ACBD6: variants seen among roughly 807,000 people sequenced by gnomAD.
The protein encoded by ACBD6 is acyl-CoA-binding domain-containing protein 6.
A neutral mutation model predicts 37.2 loss-of-function variants in ACBD6; 28 were observed. The observed-to-expected ratio is 0.75, with a 90% CI of 0.56 to 1.03. ACBD6 has a LOEUF of 1.03. Ranked by LOEUF, ACBD6 falls within the 50% of genes least tolerant of loss-of-function variation. The pLI, the probability that ACBD6 is intolerant of heterozygous loss-of-function variation, is 0.00. For synonymous variants in ACBD6, 113 were observed against 126.8 expected, an observed-to-expected ratio of 0.89 and a Z score of 0.73; for missense variants, 340 against 337.4, an observed-to-expected ratio of 1.01 and a Z score of -0.06.
intron 7 of ACBD6, among the ~76,000 whole-genome samples, chr1:180,301,814 G>A (rs940820068): frequency 5.9e-5 from 9 of 152,082 alleles, no homozygotes; most frequent in Non-Finnish European, 8.8e-5. Flanking sequence ...AGCATCACCT[G>A]GCACTTTAAG....
intron 6 of ACBD6, among the ~76,000 whole-genome samples, chr1:180,338,549 A>C (rs1651839796): frequency 6.6e-6 from 1 of 152,242 alleles, no homozygotes; most frequent in South Asian, 2.1e-4. Flanking sequence ...AAAGACTTAA[A>C]TGTTAGACCT....
At chr1:180,427,980 A>G (rs1008611667) in intron 4 of ACBD6, among the ~76,000 whole-genome samples, 2 of 151,828 alleles carry the variant, frequency 1.3e-5, no homozygotes, top group African/African-American at 4.8e-5. Flanking sequence ...CTAATTTGTT[A>G]TAATGGAATT....
intron 1 of ACBD6, among the ~76,000 whole-genome samples, chr1:180,500,215 A>T (rs1253832461): frequency 6.6e-6 from 1 of 152,038 alleles, no homozygotes; most frequent in Non-Finnish European, 1.5e-5. Context: ...ATACGTAACT[A>T]TGTCAAGAGG....
intron 7 of ACBD6, among the ~76,000 whole-genome samples, chr1:180,298,761 T>C (rs2149282386): frequency 6.6e-6 from 1 of 152,328 alleles, no homozygotes; most frequent in East Asian, 1.9e-4. Context: ...ATGGCATTCA[T>C]ATGAAAGGGG....
intron 3 of ACBD6, among the ~76,000 whole-genome samples, chr1:180,459,219 T>C (rs561272108): frequency 6.6e-6 from 1 of 152,218 alleles, no homozygotes; most frequent in African/African-American, 2.4e-5. Flanking sequence ...TTGGCTCCAG[T>C]TCAACTTAAT....
At chr1:180,315,849 G>C (rs1259673739) in intron 6 of ACBD6, among the ~76,000 whole-genome samples, 1 of 152,110 alleles carries the variant, frequency 6.6e-6, no homozygotes. Flanking sequence ...TATTACATGG[G>C]AGAGAGGAGA....
intron 3 of ACBD6, among the ~76,000 whole-genome samples, chr1:180,488,114 T>G (rs1651347573): frequency 6.6e-6 from 1 of 152,152 alleles, no homozygotes; most frequent in South Asian, 2.1e-4. Context: ...TGTGTGTGTG[T>G]GTGTGTTACA....
chr1:180,378,265 G>C (rs995447320), intron 6 of ACBD6, among the ~76,000 whole-genome samples: 2 of 152,018 alleles, frequency 1.3e-5, no homozygotes, highest in African/African-American at 4.8e-5. Flanking sequence ...ACCCAAGTGA[G>C]GAACATTCTA....
chr1:180,487,061 T>C (rs1435214046), intron 3 of ACBD6, among the ~76,000 whole-genome samples: 1 of 152,084 alleles, frequency 6.6e-6, no homozygotes, highest in Non-Finnish European at 1.5e-5. Flanking sequence ...TAGAGGAGAC[T>C]AAAGATACAT....
At chr1:180,433,585 TG>T (rs1648895818) in intron 3 of ACBD6, among the ~76,000 whole-genome samples, 1 of 3,888 alleles carries the variant, frequency 2.6e-4, no homozygotes, top group East Asian at 0.023. Context: ...TGTGTGTGTG[TG>T]TGTGTGTGTG....
intron 7 of ACBD6, among the ~76,000 whole-genome samples, chr1:180,308,037 T>C (rs1291382257): frequency 6.6e-6 from 1 of 152,190 alleles, no homozygotes; most frequent in Admixed American, 6.5e-5. Context: ...TCTTTACCTT[T>C]CTGTGCTGCC....
chr1:180,336,181 C>T (rs1651709997), intron 6 of ACBD6, among the ~76,000 whole-genome samples: 2 of 149,828 alleles, frequency 1.3e-5, no homozygotes, highest in Admixed American at 1.3e-4. Flanking sequence ...ATCTACAGAA[C>T]TCTCCACCCC....
intron 6 of ACBD6, among the ~76,000 whole-genome samples, chr1:180,338,646 G>T (rs1386116419): frequency 1.3e-5 from 2 of 152,042 alleles, no homozygotes; most frequent in Non-Finnish European, 1.5e-5. Context: ...AAACACCAAT[G>T]GCAATGGCAA....
chr1:180,465,819 A>G (rs1650325770), intron 3 of ACBD6, among the ~76,000 whole-genome samples: 1 of 152,212 alleles, frequency 6.6e-6, no homozygotes, highest in Non-Finnish European at 1.5e-5. Flanking sequence ...ATCACAGAAT[A>G]TTATGGAGCC....
At chr1:180,492,394 G>C (rs990705573) in intron 2 of ACBD6, 29 bp from the exon 3 acceptor site, 2 of 1,541,970 alleles carry the variant, frequency 1.3e-6, no homozygotes, top group Non-Finnish European at 1.8e-6. Context: ...AAAATGGCCT[G>C]TCATTATGCA....
chr1:180,422,258 T>G (rs1648400796), intron 4 of ACBD6, among the ~76,000 whole-genome samples: 1 of 151,926 alleles, frequency 6.6e-6, no homozygotes, highest in Admixed American at 6.6e-5. Flanking sequence ...CAGGCTGCAG[T>G]GCAGTGGCAT....
intron 5 of ACBD6, among the ~76,000 whole-genome samples, chr1:180,398,476 C>G (rs938545801): frequency 1.3e-5 from 2 of 152,152 alleles, no homozygotes; most frequent in Admixed American, 1.3e-4. Flanking sequence ...AGTTTACACT[C>G]TGAAATACCT....
intron 6 of ACBD6, among the ~76,000 whole-genome samples, chr1:180,358,278 T>G (rs1652703937): frequency 1.3e-5 from 2 of 152,068 alleles, no homozygotes; most frequent in African/African-American, 4.8e-5. Context: ...AATACAAACA[T>G]TAGCTGGGCA....
intron 6 of ACBD6, among the ~76,000 whole-genome samples, chr1:180,387,617 T>C (rs1653894388): frequency 6.6e-6 from 1 of 152,158 alleles, no homozygotes; most frequent in Non-Finnish European, 1.5e-5. Context: ...AACACCTTGA[T>C]GGGGAAGAGA....
Sources: allele counts gnomAD v4.1 joint callset (sites outside exome capture counted in the v4.1 genomes callset), GRCh38; gene constraint gnomAD v4.1.1; transcripts MANE v1.5; gene names NCBI Gene and HGNC (gene_info 2026-07-23, HGNC 2026-07-21).